Variants in SCLY observed in about 807,000 individuals in gnomAD.
SCLY encodes selenocysteine lyase.
In SCLY, 38 loss-of-function variants were observed where a neutral mutation model predicts 50.1. That is an observed-to-expected ratio of 0.76 (90% CI 0.59 to 0.99). The LOEUF is 0.99. Ranked by LOEUF, SCLY falls within the 50% of genes least tolerant of loss-of-function variation. The pLI is 0.00. For missense variants in SCLY, 600 were observed against 620.0 expected, an observed-to-expected ratio of 0.97 and a Z score of 0.34; for synonymous variants, 243 against 249.4, an observed-to-expected ratio of 0.97 and a Z score of 0.24.
chr2:238,090,505 C>A (rs141837339), intron 7 of SCLY, among the ~76,000 whole-genome samples: 2,101 of 152,134 alleles, frequency 0.014, 41 homozygotes, highest in African/African-American at 0.048. Context: ...CTGGGCATGG[C>A]GGCACATGCC....
intron 8 of SCLY, chr2:238,091,526 T>C: frequency 1.9e-3 from 859 of 463,734 alleles, no homozygotes; most frequent in Admixed American, 4.5e-3. Flanking sequence ...ACAGCAGAGG[T>C]GAAGTGTCAA....
intron 4 of SCLY, among the ~76,000 whole-genome samples, chr2:238,075,795 ACT>A: frequency 6.6e-6 from 1 of 151,828 alleles, no homozygotes; most frequent in East Asian, 1.9e-4. Context: ...CTTTTTAAAA[ACT>A]CTTTTTAAAG....
chr2:238,098,559 G>A lies in SCLY; in HGVS notation c.*204G>A, dbSNP rs375831324. On this transcript the variant is annotated 3_prime_UTR_variant, in exon 12 of 12. Transcript: ENST00000254663. ...TCACAGGGCCCAGGACACCAACGCC[G>A]CATAGGACTGCCCACATGGGACCGC... 9.2e-5 allele frequency: 38 copies of A among 412,866 alleles called. 2 individuals carry two copies. In the African/African-American group the frequency reaches 1.3e-3, roughly 14 times the overall value. 25.6% of individuals were successfully genotyped at this position (412,866 alleles called of 1,614,324 possible).
chr2:238,074,729 C>T (rs1200175333), intron 4 of SCLY, among the ~76,000 whole-genome samples: 10 of 152,230 alleles, frequency 6.6e-5, no homozygotes, highest in African/African-American at 1.9e-4. Context: ...GTGATCCCCC[C>T]GACTTTGGCC....
intron 11 of SCLY, among the ~76,000 whole-genome samples, chr2:238,097,590 C>T (rs1003349623): frequency 1.3e-5 from 2 of 151,858 alleles, no homozygotes; most frequent in African/African-American, 4.8e-5. Context: ...GGCCTGGCTC[C>T]AGGGAAAAGG....
rs568032602 is a variant in SCLY, at chr2:238,099,349, C to T, written c.*994C>T. 6 of 467,180 alleles carry T rather than the reference C, an allele frequency of 1.3e-5. No individual in the cohort carries two copies. Among genetic ancestry groups the T allele is most frequent in the Non-Finnish European group, 2.2e-5 (5 of 226,100 alleles). 28.9% of individuals were successfully genotyped at this position (467,180 alleles called of 1,614,324 possible). ...TGTGGTTTTACGGTTCAAGGAACTACTTGATGATTTTGAGGAAACACTTGC... is the reference window on the plus strand; with the variant it reads ...TGTGGTTTTACGGTTCAAGGAACTATTTGATGATTTTGAGGAAACACTTGC... On this transcript the variant is annotated 3_prime_UTR_variant, in exon 12 of 12. Transcript: ENST00000254663.
In SCLY at chr2:238,083,611, C is replaced by T. The variant is rs1030527208; in HGVS notation, c.884+257C>T. ...TAACTGCTCCAATGCATCCAATTCCCCTTGTAATTTTGGCCCAGCCCACTG... is the reference window on the plus strand; with the variant it reads ...TAACTGCTCCAATGCATCCAATTCCTCTTGTAATTTTGGCCCAGCCCACTG... On this transcript the variant is annotated intron_variant, in intron 7 of 11. Transcript: ENST00000254663. This position sits in a 1 kb window ranked among gnomAD's most constrained non-coding sequence, Gnocchi z 4.3. Among the ~76,000 whole-genome samples the T allele has an allele frequency of 1.3e-5, 2 of 152,198 alleles. No individual in the cohort carries two copies. Among genetic ancestry groups the T allele is most frequent in the Non-Finnish European group, 2.9e-5 (2 of 68,034 alleles).
At chr2:238,098,138 G>A in intron 11 of SCLY, 64 bp from the exon 12 acceptor site, 2 of 1,563,496 alleles carry the variant, frequency 1.3e-6, no homozygotes, top group Non-Finnish European at 1.7e-6. Context: ...GTCCAGAGCA[G>A]GGGGGGCTGT....
intron 8 of SCLY, chr2:238,093,527 T>C (rs568610764): frequency 2.7e-4 from 88 of 331,866 alleles, no homozygotes; most frequent in Non-Finnish European, 4.7e-4. Context: ...GCGAGGTGCC[T>C]TCACAGCGCC....
intron 7 of SCLY, among the ~76,000 whole-genome samples, chr2:238,089,137 C>A (rs1243794909): frequency 2.6e-5 from 4 of 151,984 alleles, no homozygotes; most frequent in African/African-American, 9.7e-5. Context: ...AACAGGTGGA[C>A]AGTAACATTA....
Position 238,061,047 on chromosome 2 carries a change from G to C in SCLY, c.-8G>C. On this transcript the variant is annotated 5_prime_UTR_variant, in exon 1 of 12. Transcript: ENST00000254663. ...GGAGGCTGGATGCCCGGCAGCAGTG[G>C]GGCGGGGATGGAGGCGGCCGTGGCG... 1 of 1,379,366 alleles carries C rather than the reference G, an allele frequency of 7.2e-7. No individual in the cohort carries two copies. Among genetic ancestry groups the C allele is most frequent in the Non-Finnish European group, 9.3e-7 (1 of 1,075,526 alleles). The allele number at this position is 1,379,366 out of a possible 1,614,324, so 85.4% of individuals were successfully genotyped here.
In SCLY at chr2:238,061,807, G is replaced by A. The variant is rs1314349213; in HGVS notation, c.89+664G>A. The stretch of plus-strand genomic sequence containing the variant: ...CGGGATGGCCACCGCTGAGAAGCGC[G>A]GAGACCCGAAGCACGTGGTATCCAT... On this transcript the variant is annotated intron_variant, in intron 1 of 11. Transcript: ENST00000254663. Among the ~76,000 whole-genome samples, 3 of 152,314 alleles carry A rather than the reference G, an allele frequency of 2.0e-5. No homozygotes were observed. In the East Asian group the frequency reaches 5.8e-4, roughly 29 times the overall value.
At chr2:238,063,321 C>T (rs1178981276) in intron 1 of SCLY, among the ~76,000 whole-genome samples, 2 of 150,416 alleles carry the variant, frequency 1.3e-5, no homozygotes, top group Non-Finnish European at 3.0e-5. Context: ...GATATGATCT[C>T]GGCTCACAGC....
intron 8 of SCLY, chr2:238,091,541 C>CT: frequency 2.4e-5 from 10 of 411,618 alleles, no homozygotes; most frequent in East Asian, 4.6e-5. Context: ...TGTCAAGCTG[C>CT]AGGTTCACCA....
At chr2:238,092,404 G>A (rs62196001) in intron 8 of SCLY, 1 of 152,248 alleles carries the variant, frequency 6.6e-6, no homozygotes, top group Non-Finnish European at 1.5e-5. Flanking sequence ...GTTTTAAGTG[G>A]AGTCCGGTAC....
At chr2:238,079,979 T>C (rs1559246319) in intron 4 of SCLY, 1 of 152,254 alleles carries the variant, frequency 6.6e-6, no homozygotes, top group Non-Finnish European at 1.5e-5. Flanking sequence ...CTCATGTTTT[T>C]CCTGTCTTAT....
intron 4 of SCLY, chr2:238,081,091 A>G (rs940673450): frequency 6.6e-6 from 1 of 152,402 alleles, no homozygotes; most frequent in Non-Finnish European, 1.5e-5. Flanking sequence ...TCGGCCTTCC[A>G]AAGTGAGCCA....
At chr2:238,086,322 T>G (rs1368039013) in intron 7 of SCLY, among the ~76,000 whole-genome samples, 2 of 152,194 alleles carry the variant, frequency 1.3e-5, no homozygotes, top group African/African-American at 4.8e-5. Flanking sequence ...TGGTTCAAAA[T>G]GTACATAAAG....
chr2:238,078,695 T>G (rs976824958), intron 4 of SCLY: 3 of 139,160 alleles, frequency 2.2e-5, no homozygotes, highest in Non-Finnish European at 3.3e-5. Context: ...ACAAATATCT[T>G]TTTTTTTTTT....
Sources: gnomAD v4.1 joint callset for allele counts (sites outside exome capture counted in the v4.1 genomes callset) on GRCh38, gnomAD v4.1.1 for gene constraint, Gnocchi (gnomAD v3.1) non-coding constraint, MANE v1.5 for transcripts, NCBI Gene and HGNC (gene_info 2026-07-23, HGNC 2026-07-21) for gene names.